The following RHOJ variants were observed in gnomAD, a reference collection of about 807,000 sequenced individuals.
RHOJ encodes rho-related GTP-binding protein RhoJ.
RHOJ carries 11 observed loss-of-function variants against 23.4 expected under a neutral mutation model. The ratio of observed to expected loss-of-function variants is 0.47; its 90% confidence interval spans 0.30 to 0.78. The LOEUF (loss-of-function observed/expected upper bound fraction) is 0.78, where lower values mean the gene tolerates loss of function less well. Ranked by LOEUF, RHOJ falls within the 30% of genes least tolerant of loss-of-function variation. RHOJ has a pLI of 0.08. For missense variants in RHOJ, 254 were observed against 273.4 expected, an observed-to-expected ratio of 0.93 and a Z score of 0.50; for synonymous variants, 102 against 102.7, an observed-to-expected ratio of 0.99 and a Z score of 0.04.
intron 2 of RHOJ, among the ~76,000 whole-genome samples, chr14:63,272,610 A>G (rs527845299): frequency 6.6e-6 from 1 of 152,346 alleles, no homozygotes; most frequent in South Asian, 2.1e-4. Flanking sequence ...AAACAAAATC[A>G]TTTGACCTGC....
At chr14:63,213,886 G>A (rs757821127) in intron 1 of RHOJ, among the ~76,000 whole-genome samples, 51 of 152,100 alleles carry the variant, frequency 3.4e-4, no homozygotes, top group Non-Finnish European at 6.0e-4. Context: ...GCTGACAGGT[G>A]GCATGCATCA....
At chr14:63,227,133 G>A (rs975531930) in intron 1 of RHOJ, among the ~76,000 whole-genome samples, 1 of 152,058 alleles carries the variant, frequency 6.6e-6, no homozygotes, top group Non-Finnish European at 1.5e-5. Context: ...TGTATTTTTA[G>A]TAGGGACGGG....
chr14:63,235,955 C>T (rs181931910), intron 1 of RHOJ, among the ~76,000 whole-genome samples: 3 of 152,126 alleles, frequency 2.0e-5, no homozygotes, highest in African/African-American at 7.2e-5. Flanking sequence ...ACAAGTATTC[C>T]CCAGGAGAAA....
chr14:63,257,280 C>G (rs1267214837), intron 1 of RHOJ, among the ~76,000 whole-genome samples: 1 of 148,974 alleles, frequency 6.7e-6, no homozygotes, highest in African/African-American at 2.5e-5. Flanking sequence ...CCAGCTCACC[C>G]CGACCCAGTC....
At chr14:63,260,595 A>G (rs934899478) in intron 1 of RHOJ, among the ~76,000 whole-genome samples, 1 of 152,244 alleles carries the variant, frequency 6.6e-6, no homozygotes, top group African/African-American at 2.4e-5. Context: ...TGGAAAAAAT[A>G]AAGTGTTTTC....
At chr14:63,212,929 A>C (rs2139729038) in intron 1 of RHOJ, among the ~76,000 whole-genome samples, 1 of 152,304 alleles carries the variant, frequency 6.6e-6, no homozygotes. Flanking sequence ...GTTTTACAAA[A>C]TGTTTTGCCA....
At chr14:63,225,197 C>T (rs1894569481) in intron 1 of RHOJ, among the ~76,000 whole-genome samples, 1 of 152,148 alleles carries the variant, frequency 6.6e-6, no homozygotes. Flanking sequence ...GTGATCTGTC[C>T]GCCTCGGCCT....
intron 1 of RHOJ, among the ~76,000 whole-genome samples, chr14:63,240,753 C>T (rs1894868839): frequency 6.6e-6 from 1 of 152,066 alleles, no homozygotes; most frequent in Non-Finnish European, 1.5e-5. Flanking sequence ...GAACAAGTAA[C>T]AAAACATAAT....
chr14:63,288,283 A>T, intron 4 of RHOJ: 1 of 985,394 alleles, frequency 1.0e-6, no homozygotes, highest in Non-Finnish European at 1.2e-6. Context: ...GGGCAGGAGG[A>T]TGGGGAGTGC....
At chr14:63,217,190 A>C (rs1169010820) in intron 1 of RHOJ, among the ~76,000 whole-genome samples, 1 of 147,734 alleles carries the variant, frequency 6.8e-6, no homozygotes, top group Non-Finnish European at 1.5e-5. Flanking sequence ...GCACCCACTA[A>C]CTCGTCATCT....
intron 4 of RHOJ, among the ~76,000 whole-genome samples, chr14:63,286,143 C>A (rs2139668243): frequency 6.6e-6 from 1 of 152,344 alleles, no homozygotes; most frequent in Non-Finnish European, 1.5e-5. Flanking sequence ...TTAATGCCCT[C>A]TTCCTGACTG....
At chr14:63,234,627 A>G (rs1312869343) in intron 1 of RHOJ, among the ~76,000 whole-genome samples, 1 of 152,210 alleles carries the variant, frequency 6.6e-6, no homozygotes, top group Non-Finnish European at 1.5e-5. Context: ...ACATGTACAC[A>G]CACATATAAT....
chr14:63,271,412 G>A (rs887505163), intron 2 of RHOJ, among the ~76,000 whole-genome samples: 20 of 152,122 alleles, frequency 1.3e-4, no homozygotes, highest in African/African-American at 4.3e-4. Flanking sequence ...TAAATAATGG[G>A]AATGTGTTAC....
At chr14:63,279,402 G>A (rs1881828462) in intron 2 of RHOJ, among the ~76,000 whole-genome samples, 1 of 152,130 alleles carries the variant, frequency 6.6e-6, no homozygotes, top group Admixed American at 6.5e-5. Flanking sequence ...ATATAAATAT[G>A]GTATGTGTAT....
At chr14:63,248,240 G>A (rs1267193316) in intron 1 of RHOJ, among the ~76,000 whole-genome samples, 2 of 152,018 alleles carry the variant, frequency 1.3e-5, no homozygotes, top group South Asian at 4.2e-4. Context: ...AAATTCAAAT[G>A]GGGGCAAAAT....
chr14:63,282,565 T>C (rs1167638101), intron 3 of RHOJ, among the ~76,000 whole-genome samples: 1 of 152,160 alleles, frequency 6.6e-6, no homozygotes, highest in Non-Finnish European at 1.5e-5. Context: ...AGCAAACCCT[T>C]TGAAAACTTC....
intron 1 of RHOJ, among the ~76,000 whole-genome samples, chr14:63,265,480 G>T (rs1235018034): frequency 6.6e-6 from 1 of 152,140 alleles, no homozygotes; most frequent in African/African-American, 2.4e-5. Context: ...TGTTCTTTTT[G>T]CTTAGAATTG....
At chr14:63,285,608 T>G (rs1882056196) in intron 4 of RHOJ, among the ~76,000 whole-genome samples, 1 of 152,228 alleles carries the variant, frequency 6.6e-6, no homozygotes, top group Non-Finnish European at 1.5e-5. Flanking sequence ...TTTACATATT[T>G]TGCACTAATT....
chr14:63,259,192 C>T (rs770626046), intron 1 of RHOJ, among the ~76,000 whole-genome samples: 1 of 152,134 alleles, frequency 6.6e-6, no homozygotes, highest in Admixed American at 6.5e-5. Flanking sequence ...CCCTCCTCAG[C>T]CTTAAATGCT....
Sources: gnomAD v4.1 joint callset for allele counts (sites outside exome capture counted in the v4.1 genomes callset) on GRCh38, gnomAD v4.1.1 for gene constraint, MANE v1.5 for transcripts, NCBI Gene and HGNC (gene_info 2026-07-23, HGNC 2026-07-21) for gene names.